Variants in FRS2 observed in about 807,000 individuals in gnomAD.
FRS2 encodes FGFR signalling adaptor.
Under a neutral mutation model 43.9 loss-of-function variants are expected in FRS2, and 8 were observed. The ratio of observed to expected loss-of-function variants is 0.18; its 90% confidence interval spans 0.11 to 0.33. The LOEUF (loss-of-function observed/expected upper bound fraction) is 0.33, where lower values mean the gene tolerates loss of function less well. FRS2 is among the 10% of genes least tolerant of loss of function. The pLI, the probability that FRS2 is intolerant of heterozygous loss-of-function variation, is 1.00. For synonymous variants in FRS2, 219 were observed against 220.3 expected (o/e 0.99, Z 0.05); for missense variants, 534 against 627.6 (o/e 0.85, Z 1.59).
At chr12:69,545,755 C>CAAAA (rs60460901) in intron 3 of FRS2, among the ~76,000 whole-genome samples, 31 of 80,384 alleles carry the variant, frequency 3.9e-4, no homozygotes, top group African/African-American at 6.1e-4. Flanking sequence ...GACCCTGTCT[C>CAAAA]AAAAAAAAAA....
intron 1 of FRS2, among the ~76,000 whole-genome samples, chr12:69,515,337 A>AT (rs1360007994): frequency 6.6e-6 from 1 of 152,158 alleles, no homozygotes; most frequent in South Asian, 2.1e-4. Context: ...TCTGGCTTTA[A>AT]TTTTTTCTAT....
chr12:69,536,719 C>T (rs745639140), intron 3 of FRS2, among the ~76,000 whole-genome samples: 10 of 151,884 alleles, frequency 6.6e-5, no homozygotes, highest in Middle Eastern at 3.2e-3. Context: ...CACAGGCATG[C>T]GCTACTGTGC....
At chr12:69,483,424 C>G (rs1369685746) in intron 1 of FRS2, among the ~76,000 whole-genome samples, 2 of 152,108 alleles carry the variant, frequency 1.3e-5, no homozygotes, top group Non-Finnish European at 2.9e-5. Flanking sequence ...AGTATGTAAT[C>G]TTTGGAGATT....
intron 1 of FRS2, among the ~76,000 whole-genome samples, chr12:69,519,109 C>T (rs1875363095): frequency 6.6e-6 from 1 of 152,010 alleles, no homozygotes; most frequent in South Asian, 2.1e-4. Flanking sequence ...CAAATTGCAT[C>T]CACTTCTGAG....
chr12:69,537,618 A>T, intron 3 of FRS2, among the ~76,000 whole-genome samples: 1 of 149,006 alleles, frequency 6.7e-6, no homozygotes. Context: ...CTTCCCATTT[A>T]GTGTTTTGCA....
intron 1 of FRS2, among the ~76,000 whole-genome samples, chr12:69,473,496 A>G (rs1870493394): frequency 6.6e-6 from 1 of 152,206 alleles, no homozygotes; most frequent in Non-Finnish European, 1.5e-5. Flanking sequence ...GAGAAAAGTT[A>G]GTGGACCAGA....
At chr12:69,487,774 CAA>C (rs1442519002) in intron 1 of FRS2, among the ~76,000 whole-genome samples, 1 of 152,146 alleles carries the variant, frequency 6.6e-6, no homozygotes, top group Non-Finnish European at 1.5e-5. Flanking sequence ...TTCACCATTC[CAA>C]AGAGTCATTA....
In FRS2 at chr12:69,490,389, A is replaced by C. The variant is rs554291258; in HGVS notation, c.-261+19859A>C. On this transcript the variant is annotated intron_variant, in intron 1 of 8. Transcript: ENST00000549921. ...CAGCTTATTTGGAATTTAAGAGCTA[A>C]AAAGAAAAATTCCATTAGAAAAATA... Among the ~76,000 whole-genome samples the C allele has an allele frequency of 2.0e-5, 3 of 152,140 alleles. No homozygotes were observed. In the East Asian group the frequency reaches 5.8e-4, roughly 29 times the overall value.
At chr12:69,480,097 T>C (rs1432376226) in intron 1 of FRS2, among the ~76,000 whole-genome samples, 1 of 152,230 alleles carries the variant, frequency 6.6e-6, no homozygotes, top group East Asian at 1.9e-4. Context: ...TTAACTATTA[T>C]GCCCATTTTT....
At chr12:69,502,126 C>T (rs527974741) in intron 1 of FRS2, among the ~76,000 whole-genome samples, 48 of 151,894 alleles carry the variant, frequency 3.2e-4, no homozygotes, top group Non-Finnish European at 5.1e-4. Flanking sequence ...CCACCACGCC[C>T]GGCTAATTTT....
intron 1 of FRS2, among the ~76,000 whole-genome samples, chr12:69,478,981 G>A (rs180861017): frequency 6.3e-4 from 92 of 147,164 alleles, no homozygotes; most frequent in African/African-American, 2.2e-3. Flanking sequence ...CCTCTGTCTT[G>A]AAGTTTGGAA....
intron 4 of FRS2, among the ~76,000 whole-genome samples, chr12:69,568,054 T>G (rs1184693119): frequency 6.6e-6 from 1 of 152,214 alleles, no homozygotes; most frequent in Admixed American, 6.5e-5. Flanking sequence ...TTCTATCTGA[T>G]TATTTCCCTT....
intron 3 of FRS2, among the ~76,000 whole-genome samples, chr12:69,534,141 A>G (rs1172920739): frequency 2.6e-5 from 4 of 152,322 alleles, no homozygotes; most frequent in African/African-American, 9.6e-5. Context: ...CTATGACATT[A>G]AAAAGACGTG....
intron 1 of FRS2, among the ~76,000 whole-genome samples, chr12:69,483,203 C>T (rs1403846584): frequency 2.0e-5 from 3 of 152,170 alleles, no homozygotes; most frequent in African/African-American, 4.8e-5. Context: ...CACCATTTTT[C>T]AACCTGGACT....
chr12:69,572,749 T>A (rs767825298), intron 8 of FRS2, among the ~76,000 whole-genome samples: 1 of 152,264 alleles, frequency 6.6e-6, no homozygotes, highest in Admixed American at 6.5e-5. Flanking sequence ...GTTATACTTA[T>A]GTTTTGTAAA....
At chr12:69,509,396 C>G (rs978509278) in intron 1 of FRS2, among the ~76,000 whole-genome samples, 1 of 152,194 alleles carries the variant, frequency 6.6e-6, no homozygotes, top group African/African-American at 2.4e-5. Context: ...CTAAATCTTT[C>G]CAGCATGAGT....
intron 8 of FRS2, among the ~76,000 whole-genome samples, chr12:69,573,160 C>G (rs1456782021): frequency 6.6e-6 from 1 of 152,162 alleles, no homozygotes; most frequent in Non-Finnish European, 1.5e-5. Flanking sequence ...ATTATCTCCC[C>G]AAAATACTAT....
At chr12:69,526,661 T>C (rs1876261184) in intron 1 of FRS2, among the ~76,000 whole-genome samples, 1 of 151,940 alleles carries the variant, frequency 6.6e-6, no homozygotes, top group African/African-American at 2.4e-5. Flanking sequence ...ATTTAACATA[T>C]ACATGTGTAT....
At chr12:69,561,168 G>A (rs1389635047) in intron 3 of FRS2, among the ~76,000 whole-genome samples, 1 of 152,138 alleles carries the variant, frequency 6.6e-6, no homozygotes, top group East Asian at 1.9e-4. Context: ...GTATATTTGA[G>A]CTCCTGGAGA....
Sources: allele counts gnomAD v4.1 joint callset (sites outside exome capture counted in the v4.1 genomes callset), GRCh38; gene constraint gnomAD v4.1.1; transcripts MANE v1.5; gene names NCBI Gene and HGNC (gene_info 2026-07-23, HGNC 2026-07-21).